TWF1: variants seen among roughly 807,000 people sequenced by gnomAD.
The protein encoded by TWF1 is twinfilin-1.
TWF1 carries 14 observed loss-of-function variants against 47.9 expected under a neutral mutation model. That is an observed-to-expected ratio of 0.29 (90% CI 0.19 to 0.46). TWF1 has a LOEUF of 0.46. Among genes scored for constraint, TWF1 ranks in the 20% least tolerant of loss-of-function variants. The probability of loss-of-function intolerance (pLI) is 1.00; values close to 1 mark genes in which losing one functional copy is unlikely to be tolerated. For synonymous variants in TWF1, 96 were observed against 139.2 expected, an observed-to-expected ratio of 0.69 and a Z score of 2.18; for missense variants, 281 against 409.3, an observed-to-expected ratio of 0.69 and a Z score of 2.70.
intron 1 of TWF1, 182 bp downstream of exon 1, chr12:43,806,039 G>A: frequency 6.6e-7 from 1 of 1,520,516 alleles, no homozygotes; most frequent in Non-Finnish European, 8.8e-7. Context: ...GGCTGGAGGA[G>A]GACGCAGGCC....
At chr12:43,801,073 T>C (rs534820956) in intron 3 of TWF1, among the ~76,000 whole-genome samples, 3 of 152,036 alleles carry the variant, frequency 2.0e-5, no homozygotes, top group Non-Finnish European at 2.9e-5. Flanking sequence ...CTGAAAAAAA[T>C]ATAAATTGTT....
chr12:43,799,536 C>T (rs527667952), intron 4 of TWF1, 34 bp from the exon 5 acceptor site: 1 of 1,247,764 alleles, frequency 8.0e-7, no homozygotes, highest in South Asian at 1.6e-5. Context: ...ATCAGTAATT[C>T]TCTAGAAGTA....
At chr12:43,804,657 C>A in intron 1 of TWF1, 85 bp from the exon 2 acceptor site, 1 of 923,538 alleles carries the variant, frequency 1.1e-6, no homozygotes, top group Non-Finnish European at 1.6e-6. Context: ...AATTAGAATA[C>A]AAAGAAAAAA....
chr12:43,798,793 G>A (rs1296581059), intron 5 of TWF1, among the ~76,000 whole-genome samples: 1 of 151,924 alleles, frequency 6.6e-6, no homozygotes, highest in African/African-American at 2.4e-5. Context: ...ATGAATAGTG[G>A]TTTCAGCCAC....
Position 43,804,507 on chromosome 12 carries a change from A to G in TWF1, c.91T>C (p.Ser31Pro). ...RNGKYRLLKI[S>P]IENEQLVIGS... is the part of the protein sequence containing the mutation. ...ATATTTAACTAACCATTTTCAATAG[A>G]TATTTTCAGAAGTCTGTACTTTCCA... Residue 31 changes from serine (S) to proline (P), a missense_variant, in exon 2 of 9, where the codon TCT (serine) becomes CCT (proline). Transcript: ENST00000395510. 1 of 1,589,270 alleles carries G rather than the reference A, an allele frequency of 6.3e-7. No homozygotes were observed. Among genetic ancestry groups the G allele is most frequent in the Non-Finnish European group, 8.6e-7 (1 of 1,164,722 alleles).
At chr12:43,801,077 A>G (rs1942652888) in intron 3 of TWF1, among the ~76,000 whole-genome samples, 2 of 152,158 alleles carry the variant, frequency 1.3e-5, no homozygotes, top group South Asian at 2.1e-4. Flanking sequence ...AAAAAATATA[A>G]ATTGTTTAAA....
chr12:43,805,889 C>T (rs1324178012), intron 1 of TWF1: 2 of 1,459,850 alleles, frequency 1.4e-6, no homozygotes, highest in South Asian at 1.1e-5. Context: ...CTCTTCCCTA[C>T]GTGACCAAAA....
At chr12:43,797,901 C>A (rs1405842487) in intron 5 of TWF1, 68 bp from the exon 6 acceptor site, 3 of 1,509,178 alleles carry the variant, frequency 2.0e-6, no homozygotes, top group Admixed American at 2.0e-5. Context: ...ATAAGAAAAC[C>A]CAACCTCTAT....
chr12:43,797,701 C>T lies in TWF1; in HGVS notation c.609+7G>A, dbSNP rs1024536429. 3.1e-6 allele frequency: 5 copies of T among 1,610,752 alleles called. No homozygotes were observed. The highest frequency in any genetic ancestry group is 2.7e-5 in the African/African-American group (2 of 74,796). ...CAGCCACTTAATAATCATTATACAT[C>T]TCTTACCAACTGCACATAGTTGAGC... On this transcript the variant is annotated splice_region_variant and intron_variant, in intron 6 of 8. Coordinates refer to ENST00000395510, the MANE Select transcript of TWF1 (RefSeq NM_002822.5).
At chr12:43,806,001 A>G (rs780031944) in intron 1 of TWF1, 1 of 1,530,700 alleles carries the variant, frequency 6.5e-7, no homozygotes. Context: ...TTTCGGATCA[A>G]TCTGCAACGT....
At chr12:43,796,396 G>A (rs1313682537) in intron 8 of TWF1, among the ~76,000 whole-genome samples, 2 of 151,998 alleles carry the variant, frequency 1.3e-5, no homozygotes. Flanking sequence ...GAGTTTAAGG[G>A]CTCAAGAATA....
chr12:43,798,592 G>T, intron 5 of TWF1: 1 of 1,510,186 alleles, frequency 6.6e-7, no homozygotes, highest in Non-Finnish European at 8.8e-7. Flanking sequence ...GGCTCTGATT[G>T]CAAGAAATAA....
intron 1 of TWF1, 189 bp downstream of exon 1, chr12:43,806,032 T>C: frequency 6.6e-7 from 1 of 1,521,232 alleles, no homozygotes; most frequent in Non-Finnish European, 8.8e-7. Flanking sequence ...GGGACCGGGC[T>C]GGAGGAGGAC....
Position 43,794,145 on chromosome 12 carries a change from G to A in TWF1, c.*1440C>T, listed in dbSNP as rs1433631654. 1 of 152,570 alleles carries A rather than the reference G, an allele frequency of 6.6e-6. No homozygotes were observed. The highest frequency in any genetic ancestry group is 1.9e-4 in the East Asian group (1 of 5,198). The allele number at this position is 152,570 out of a possible 1,614,324, so 9.5% of individuals were successfully genotyped here. ...GGATTCTTAATGCAATAATTTGGGTGTATGTGTGTCTGTCTACGTGTACAC... is the reference window on the plus strand; with the variant it reads ...GGATTCTTAATGCAATAATTTGGGTATATGTGTGTCTGTCTACGTGTACAC... On this transcript the variant is annotated 3_prime_UTR_variant, in exon 9 of 9. Transcript: ENST00000395510.
At chr12:43,801,604 T>G (rs955351103) in intron 3 of TWF1, among the ~76,000 whole-genome samples, 1 of 152,208 alleles carries the variant, frequency 6.6e-6, no homozygotes, top group African/African-American at 2.4e-5. Context: ...ATGGTAGCGA[T>G]TAATAAATGT....
At chr12:43,799,332 A>G (rs1942615974) in intron 5 of TWF1, 66 bp downstream of exon 5, 6 of 1,040,510 alleles carry the variant, frequency 5.8e-6, no homozygotes, top group Non-Finnish European at 8.5e-6. Context: ...TCCCACATCT[A>G]TTAATTAAAA....
At chr12:43,802,802 T>A (rs1942686724) in intron 2 of TWF1, among the ~76,000 whole-genome samples, 1 of 152,136 alleles carries the variant, frequency 6.6e-6, no homozygotes, top group South Asian at 2.1e-4. Context: ...TGAGCTTAAG[T>A]TATCAACAAA....
chr12:43,802,718 A>G (rs147362946), intron 2 of TWF1, among the ~76,000 whole-genome samples: 1 of 152,204 alleles, frequency 6.6e-6, no homozygotes, highest in East Asian at 1.9e-4. Context: ...AAAAATGATC[A>G]TAACAGTTGA....
At chr12:43,798,415 T>A (rs1194628634) in intron 5 of TWF1, 3 of 664,628 alleles carry the variant, frequency 4.5e-6, no homozygotes, top group Non-Finnish European at 6.9e-6. Flanking sequence ...ATTTTTATAC[T>A]TGATAAATGA....
Sources: allele counts gnomAD v4.1 joint callset (sites outside exome capture counted in the v4.1 genomes callset), GRCh38; gene constraint gnomAD v4.1.1; transcripts MANE v1.5; gene names NCBI Gene and HGNC (gene_info 2026-07-23, HGNC 2026-07-21).